COG6: variants seen among roughly 807,000 people sequenced by gnomAD.
The protein encoded by COG6 is conserved oligomeric Golgi complex subunit 6.
COG6 carries 74 observed loss-of-function variants against 88.8 expected under a neutral mutation model. The observed-to-expected ratio is 0.83, with a 90% CI of 0.69 to 1.01. COG6 has a LOEUF of 1.01. Among genes scored for constraint, COG6 ranks in the 50% least tolerant of loss-of-function variants. The pLI is 0.00. For missense variants in COG6, 800 were observed against 797.9 expected, an observed-to-expected ratio of 1.00 and a Z score of -0.03; for synonymous variants, 286 against 278.7, an observed-to-expected ratio of 1.03 and a Z score of -0.26.
exon 19 of COG6, chr13:39,790,623 GTTAAAAAA>G (rs1881911985): frequency 6.6e-6 from 1 of 151,946 alleles, no homozygotes. Flanking sequence ...ATCTCCTGTA[GTTAAAAAA>G]TATTGTTTGT....
Position 39,721,064 on chromosome 13 carries a change from G to T in COG6, c.1584+1237G>T, listed in dbSNP as rs991354942. Reference sequence around the variant, plus strand: ...CTTGGATAACTTCTTCATTTTCTGTGGAATTAATAACATTTTTATTTAAGA... The same window carrying T: ...CTTGGATAACTTCTTCATTTTCTGTTGAATTAATAACATTTTTATTTAAGA... On this transcript the variant is annotated intron_variant, in intron 15 of 18. Transcript: ENST00000455146. 8.6e-5 allele frequency among the ~76,000 whole-genome samples: 13 copies of T among 151,840 alleles called. 1 individual carries two copies. Among genetic ancestry groups the T allele is most frequent in the Non-Finnish European group, 8.8e-5 (6 of 67,924 alleles).
chr13:39,728,155 G>A (rs557694392), intron 18 of COG6, among the ~76,000 whole-genome samples: 1 of 152,172 alleles, frequency 6.6e-6, no homozygotes, highest in Admixed American at 6.5e-5. Flanking sequence ...TCAAACAGCA[G>A]TGCAGTAAGT....
chr13:39,745,120 C>G (rs4408422), intron 18 of COG6, among the ~76,000 whole-genome samples: 62,860 of 152,082 alleles, frequency 0.41, 13,360 homozygotes, highest in Admixed American at 0.56. Flanking sequence ...AAACGTTAGA[C>G]CTAAAACCAT....
chr13:39,659,516 A>C lies in COG6; in HGVS notation c.297+9A>C. 6.2e-7 allele frequency: 1 copy of C among 1,610,360 alleles called. No individual in the cohort carries two copies. Among genetic ancestry groups the C allele is most frequent in the Non-Finnish European group, 8.5e-7 (1 of 1,177,790 alleles). ...TCAAGGAAGTGAAGGAGGTATGTAA[A>C]CTCTTTTCATTTAGCATATATTGAG... On this transcript the variant is annotated intron_variant, in intron 2 of 18. Coordinates refer to ENST00000455146, the MANE Select transcript of COG6 (RefSeq NM_020751.3).
chr13:39,690,370 C>G (rs1247614512), intron 11 of COG6, among the ~76,000 whole-genome samples: 1 of 151,984 alleles, frequency 6.6e-6, no homozygotes, highest in Non-Finnish European at 1.5e-5. Flanking sequence ...TCTTCTGCAC[C>G]TGAATTATGC....
chr13:39,751,417 A>G lies in COG6; in HGVS notation c.*324A>G, dbSNP rs1425599957. On this transcript the variant is annotated 3_prime_UTR_variant, in exon 19 of 19. Coordinates refer to ENST00000455146, the MANE Select transcript of COG6 (RefSeq NM_020751.3). The stretch of plus-strand genomic sequence containing the variant: ...TTGAAGAATTTTTTTTTACAAGACT[A>G]GTTCTAAATTAACAGCTTATAAAAA... 3 of 1,296,484 alleles carry G rather than the reference A, an allele frequency of 2.3e-6. No individual in the cohort carries two copies. Among genetic ancestry groups the G allele is most frequent in the South Asian group, 2.5e-5 (2 of 79,310 alleles). The allele number at this position is 1,296,484 out of a possible 1,614,324, so 80.3% of individuals were successfully genotyped here. A position where few individuals can be genotyped will look rare whatever the true frequency, so the allele number is the denominator to read the frequency against.
chr13:39,679,514 A>C (rs373189865), intron 5 of COG6, 24 bp from the exon 6 acceptor site: 1 of 1,330,698 alleles, frequency 7.5e-7, no homozygotes, highest in East Asian at 2.3e-5. Flanking sequence ...GCATGGACAT[A>C]AAGTCACATT....
Position 39,752,525 on chromosome 13 carries a change from A to T in COG6, c.*1432A>T. On this transcript the variant is annotated 3_prime_UTR_variant, in exon 19 of 19. Transcript: ENST00000455146. ...TAAATTGTATATAATTTATTTCTAC[A>T]GAGAAAGAAGATTGATACCTTGCTA... 1 of 1,205,486 alleles carries T rather than the reference A, an allele frequency of 8.3e-7. No individual in the cohort carries two copies. The highest frequency in any genetic ancestry group is 1.3e-5 in the South Asian group (1 of 74,460). 74.7% of individuals were successfully genotyped at this position (1,205,486 alleles called of 1,614,324 possible).
At chr13:39,693,819 T>C (rs1423552876) in intron 11 of COG6, among the ~76,000 whole-genome samples, 1 of 151,956 alleles carries the variant, frequency 6.6e-6, no homozygotes, top group East Asian at 1.9e-4. Flanking sequence ...ATATTAAACA[T>C]CTGTTGTGTG....
At chr13:39,680,765 A>C (rs1470697328) in intron 7 of COG6, among the ~76,000 whole-genome samples, 1 of 152,106 alleles carries the variant, frequency 6.6e-6, no homozygotes, top group South Asian at 2.1e-4. Flanking sequence ...CCAAGCCAGC[A>C]ATGTCAGGTC....
intron 18 of COG6, among the ~76,000 whole-genome samples, chr13:39,764,763 C>T (rs573475196): frequency 1.3e-3 from 191 of 152,136 alleles, no homozygotes; most frequent in African/African-American, 3.4e-3. Context: ...TTTATTCATA[C>T]GTACTTTATG....
At chr13:39,769,913 T>C (rs1276145336) in intron 18 of COG6, among the ~76,000 whole-genome samples, 1 of 152,214 alleles carries the variant, frequency 6.6e-6, no homozygotes, top group Non-Finnish European at 1.5e-5. Context: ...GATCTTGGAC[T>C]TCCCAGCTCC....
In COG6 at chr13:39,660,819, A is replaced by C; in HGVS notation, c.307A>C (p.Ser103Arg). The C allele has an allele frequency of 6.2e-7, 1 of 1,606,748 alleles. No individual in the cohort carries two copies. The highest frequency in any genetic ancestry group is 8.5e-7 in the Non-Finnish European group (1 of 1,173,726). Residue 103 changes from serine (S) to arginine (R), a missense_variant, in exon 3 of 19, where the codon AGC becomes CGC. Transcript: ENST00000455146. The stretch of plus-strand genomic sequence containing the variant: ...CTTTTCTTCTTTTCAGGAACTTGAA[A>C]GCATAAGCGAAGATGTTCAAGCAAT... ...IFKEVKEELESISEDVQAMSN... is the reference protein window; with the variant it reads ...IFKEVKEELERISEDVQAMSN...
chr13:39,791,528 GA>G (rs1881937483), exon 19 of COG6: 1 of 151,832 alleles, frequency 6.6e-6, no homozygotes, highest in Non-Finnish European at 1.5e-5. Context: ...GTTTACAAGA[GA>G]TTTTTGCAAA....
In COG6 at chr13:39,707,055, A is replaced by G. The variant is rs572712987; in HGVS notation, c.1284+7437A>G. Among the ~76,000 whole-genome samples the G allele has an allele frequency of 1.9e-4, 29 of 152,260 alleles. 1 individual carries two copies. The highest frequency in any genetic ancestry group is 7.0e-4 in the African/African-American group (29 of 41,548). ...TCACTTAGAAAATATTCAAATTTTG[A>G]AATAAGTATTTAATAATAATGACTT... On this transcript the variant is annotated intron_variant, in intron 13 of 18. Transcript: ENST00000455146.
At chr13:39,710,398 C>T (rs1448687755) in intron 13 of COG6, among the ~76,000 whole-genome samples, 1 of 152,098 alleles carries the variant, frequency 6.6e-6, no homozygotes, top group Non-Finnish European at 1.5e-5. Context: ...TTTGGTCTCA[C>T]ATCTTCATTT....
chr13:39,671,163 A>AT (rs1394293823), intron 4 of COG6, among the ~76,000 whole-genome samples: 1 of 152,002 alleles, frequency 6.6e-6, no homozygotes, highest in Non-Finnish European at 1.5e-5. Context: ...GGAAATAAAA[A>AT]TTTGGGGGTA....
intron 18 of COG6, among the ~76,000 whole-genome samples, chr13:39,741,829 A>T (rs995457209): frequency 2.0e-5 from 3 of 152,172 alleles, no homozygotes; most frequent in Non-Finnish European, 4.4e-5. Flanking sequence ...GAAATGAAGG[A>T]AAAAATGTTA....
chr13:39,688,481 GA>G (rs1416868295), intron 10 of COG6, among the ~76,000 whole-genome samples: 1 of 152,064 alleles, frequency 6.6e-6, no homozygotes, highest in Non-Finnish European at 1.5e-5. Context: ...GTGATTGAGG[GA>G]GCAAGACAGA....
Sources: allele counts gnomAD v4.1 joint callset (sites outside exome capture counted in the v4.1 genomes callset), GRCh38; gene constraint gnomAD v4.1.1; transcripts MANE v1.5; gene names NCBI Gene and HGNC (gene_info 2026-07-23, HGNC 2026-07-21).